The following HIBADH variants were observed in gnomAD, a reference collection of about 807,000 sequenced individuals.
HIBADH encodes the protein 3-hydroxyisobutyrate dehydrogenase.
In HIBADH, 25 loss-of-function variants were observed where a neutral mutation model predicts 36.1. That is an observed-to-expected ratio of 0.69 (90% CI 0.50 to 0.97). HIBADH has a LOEUF of 0.97. HIBADH is among the 50% of genes least tolerant of loss of function. The pLI is 0.00. For missense variants in HIBADH, 421 were observed against 418.0 expected (o/e 1.01, Z -0.06); for synonymous variants, 160 against 149.5 (o/e 1.07, Z -0.51).
intron 4 of HIBADH, among the ~76,000 whole-genome samples, chr7:27,588,555 T>TC (rs1382137155): frequency 2.6e-5 from 4 of 152,186 alleles, no homozygotes; most frequent in Admixed American, 1.3e-4. Flanking sequence ...GTTCTCTAAC[T>TC]CCTGGCCTCA....
At chr7:27,617,001 A>G (rs1296426901) in intron 4 of HIBADH, among the ~76,000 whole-genome samples, 7 of 152,142 alleles carry the variant, frequency 4.6e-5, no homozygotes, top group Non-Finnish European at 8.8e-5. Context: ...AATATTTTTT[A>G]TAAGTTTAGT....
intron 4 of HIBADH, among the ~76,000 whole-genome samples, chr7:27,551,279 C>T (rs775472773): frequency 6.6e-6 from 1 of 152,076 alleles, no homozygotes; most frequent in African/African-American, 2.4e-5. Context: ...AGTTAAAAGA[C>T]TTGGAAAGAA....
intron 5 of HIBADH, among the ~76,000 whole-genome samples, chr7:27,541,951 TAG>T (rs968048986): frequency 2.0e-5 from 3 of 152,248 alleles, no homozygotes; most frequent in African/African-American, 7.2e-5. Flanking sequence ...ACAGTATTAC[TAG>T]AGTTAATTTT....
At chr7:27,583,532 CTT>C (rs1187622562) in intron 4 of HIBADH, among the ~76,000 whole-genome samples, 5 of 152,062 alleles carry the variant, frequency 3.3e-5, no homozygotes, top group Non-Finnish European at 5.9e-5. Context: ...ATATTAATAA[CTT>C]TTTGTGACAT....
intron 4 of HIBADH, among the ~76,000 whole-genome samples, chr7:27,562,549 TG>T: frequency 6.6e-6 from 1 of 152,330 alleles, no homozygotes; most frequent in East Asian, 1.9e-4. Flanking sequence ...TGATGTGCAG[TG>T]GTGCAATCAT....
At chr7:27,617,899 G>C (rs749036523) in intron 4 of HIBADH, among the ~76,000 whole-genome samples, 6 of 152,154 alleles carry the variant, frequency 3.9e-5, no homozygotes, top group Non-Finnish European at 8.8e-5. Context: ...CACAGCACTG[G>C]CTGGGTCCAA....
chr7:27,594,373 C>T (rs549041886), intron 4 of HIBADH, among the ~76,000 whole-genome samples: 2 of 152,118 alleles, frequency 1.3e-5, no homozygotes, highest in African/African-American at 4.8e-5. Flanking sequence ...GAACTTCTGA[C>T]CTCAGGTGAT....
chr7:27,614,880 T>C (rs1237887950), intron 4 of HIBADH, among the ~76,000 whole-genome samples: 1 of 152,162 alleles, frequency 6.6e-6, no homozygotes, highest in Non-Finnish European at 1.5e-5. Context: ...ACAGAACAAA[T>C]GCCCCTTAGA....
intron 4 of HIBADH, among the ~76,000 whole-genome samples, chr7:27,555,656 C>T (rs1784379944): frequency 6.6e-6 from 1 of 151,970 alleles, no homozygotes; most frequent in African/African-American, 2.4e-5. Flanking sequence ...GCAGCATTTC[C>T]AAATTTACAG....
At chr7:27,660,725 A>T (rs896100697) in intron 1 of HIBADH, among the ~76,000 whole-genome samples, 2 of 152,196 alleles carry the variant, frequency 1.3e-5, no homozygotes, top group African/African-American at 2.4e-5. Context: ...CCACTTCATC[A>T]CAAAAGAACT....
rs571517164 is a variant in HIBADH at position 27,585,195 on chromosome 7, ATATG to A, written c.485-42099_485-42096del. Among the ~76,000 whole-genome samples the A allele has an allele frequency of 7.4e-3, 1,117 of 151,616 alleles. 10 individuals carry two copies. Among genetic ancestry groups the A allele is most frequent in the Middle Eastern group, 0.014 (4 of 294 alleles). ...TATATGTGTGTATATATGCACACAC[ATATG>A]TATGTATAAAAGTACGTGTGTATAT... On this transcript the variant is annotated intron_variant, in intron 4 of 7. Transcript: ENST00000265395.
At chr7:27,593,340 A>T (rs1195483437) in intron 4 of HIBADH, among the ~76,000 whole-genome samples, 2 of 152,174 alleles carry the variant, frequency 1.3e-5, no homozygotes, top group Non-Finnish European at 2.9e-5. Flanking sequence ...ATTTTGGCTA[A>T]GCAATAATCA....
chr7:27,545,354 C>T (rs1229736178), intron 4 of HIBADH, among the ~76,000 whole-genome samples: 2 of 152,136 alleles, frequency 1.3e-5, no homozygotes, highest in Non-Finnish European at 2.9e-5. Context: ...TGGAGGATTG[C>T]TTGAACCCAG....
chr7:27,546,959 A>G (rs546793365), intron 4 of HIBADH, among the ~76,000 whole-genome samples: 1 of 152,286 alleles, frequency 6.6e-6, no homozygotes, highest in South Asian at 2.1e-4. Context: ...TTCTCCATAT[A>G]GCAGCTAGAG....
At chr7:27,610,192 C>A (rs1000178999) in intron 4 of HIBADH, among the ~76,000 whole-genome samples, 3 of 152,042 alleles carry the variant, frequency 2.0e-5, no homozygotes, top group African/African-American at 7.2e-5. Flanking sequence ...AATTATTTTA[C>A]CAAAATATTT....
intron 4 of HIBADH, among the ~76,000 whole-genome samples, chr7:27,553,509 T>C (rs1404380644): frequency 2.0e-5 from 3 of 152,166 alleles, no homozygotes; most frequent in Non-Finnish European, 2.9e-5. Flanking sequence ...CTGCTTATGC[T>C]GAAAGAGCAA....
At chr7:27,559,106 T>C (rs1025019415) in intron 4 of HIBADH, among the ~76,000 whole-genome samples, 3 of 152,210 alleles carry the variant, frequency 2.0e-5, no homozygotes, top group Non-Finnish European at 2.9e-5. Flanking sequence ...GTTTTCTCCC[T>C]GTGTCTTCCC....
At chr7:27,642,806 T>C (rs528789715) in intron 2 of HIBADH, among the ~76,000 whole-genome samples, 116 of 151,578 alleles carry the variant, frequency 7.7e-4, no homozygotes, top group African/African-American at 2.4e-3. Flanking sequence ...CGCCCGCCAT[T>C]ACGCCCGGCT....
intron 2 of HIBADH, among the ~76,000 whole-genome samples, chr7:27,644,142 CATG>C (rs1786013361): frequency 6.6e-6 from 1 of 152,104 alleles, no homozygotes; most frequent in Non-Finnish European, 1.5e-5. Context: ...TATATGCAAC[CATG>C]ATGACAATCA....
Sources: allele counts gnomAD v4.1 joint callset (sites outside exome capture counted in the v4.1 genomes callset), GRCh38; gene constraint gnomAD v4.1.1; transcripts MANE v1.5; gene names NCBI Gene and HGNC (gene_info 2026-07-23, HGNC 2026-07-21).